Variants in NEGR1 observed in about 807,000 individuals in gnomAD.
The protein encoded by NEGR1 is IgLON family member 4.
In NEGR1, 10 loss-of-function variants were observed where a neutral mutation model predicts 40.9. That is an observed-to-expected ratio of 0.24 (90% CI 0.15 to 0.42). The LOEUF (loss-of-function observed/expected upper bound fraction) is 0.42. Ranked by LOEUF, NEGR1 falls within the 10% of genes least tolerant of loss-of-function variation. NEGR1 has a pLI of 1.00. For missense variants in NEGR1, 352 were observed against 438.9 expected, an observed-to-expected ratio of 0.80 and a Z score of 1.77; for synonymous variants, 185 against 166.8, an observed-to-expected ratio of 1.11 and a Z score of -0.84.
At chr1:71,968,799 A>ATT (rs148348370) in intron 1 of NEGR1, among the ~76,000 whole-genome samples, 1 of 151,942 alleles carries the variant, frequency 6.6e-6, no homozygotes, top group East Asian at 1.9e-4. Flanking sequence ...ATGGCAAGTG[A>ATT]TTTTTTTAGA....
chr1:71,846,935 T>C (rs764838156), intron 2 of NEGR1, among the ~76,000 whole-genome samples: 1 of 152,196 alleles, frequency 6.6e-6, no homozygotes, highest in Non-Finnish European at 1.5e-5. Context: ...AACTCATGAA[T>C]TTGCTAGGGA....
At chr1:71,699,766 A>G (rs1006721723) in intron 3 of NEGR1, among the ~76,000 whole-genome samples, 15 of 151,998 alleles carry the variant, frequency 9.9e-5, no homozygotes, top group Non-Finnish European at 2.1e-4. Context: ...TGTATCTCCC[A>G]GAATTCTCAC....
intron 3 of NEGR1, among the ~76,000 whole-genome samples, chr1:71,726,201 G>A (rs936612719): frequency 6.6e-6 from 1 of 151,962 alleles, no homozygotes; most frequent in Non-Finnish European, 1.5e-5. Flanking sequence ...ACTCTAAGTA[G>A]TTCTTTTATA....
At chr1:71,862,918 G>T (rs1167989829) in intron 2 of NEGR1, among the ~76,000 whole-genome samples, 1 of 152,078 alleles carries the variant, frequency 6.6e-6, no homozygotes, top group Non-Finnish European at 1.5e-5. Flanking sequence ...ACACCAGTCA[G>T]AATGCTGATT....
chr1:71,920,905 T>G (rs1645711087), intron 2 of NEGR1, among the ~76,000 whole-genome samples: 1 of 152,316 alleles, frequency 6.6e-6, no homozygotes, highest in African/African-American at 2.4e-5. Flanking sequence ...TGTGTGGTAA[T>G]GAAAGACTCC....
At chr1:72,151,016 T>C (rs1030495541) in intron 1 of NEGR1, among the ~76,000 whole-genome samples, 1 of 151,412 alleles carries the variant, frequency 6.6e-6, no homozygotes, top group South Asian at 2.1e-4. Context: ...AAAGGAAAAA[T>C]GAAAAAAGAG....
chr1:71,848,072 T>G (rs896139762), intron 2 of NEGR1, among the ~76,000 whole-genome samples: 22 of 152,254 alleles, frequency 1.4e-4, no homozygotes, highest in Non-Finnish European at 2.2e-4. Context: ...CAAAGCCTAA[T>G]CCACAGAAAG....
At chr1:71,723,832 G>A (rs1008162210) in intron 3 of NEGR1, among the ~76,000 whole-genome samples, 1 of 152,102 alleles carries the variant, frequency 6.6e-6, no homozygotes, top group African/African-American at 2.4e-5. Context: ...TGTGTAAAGT[G>A]GGGGCAGTCT....
At chr1:71,883,720 C>T (rs1660645770) in intron 2 of NEGR1, among the ~76,000 whole-genome samples, 3 of 112,980 alleles carry the variant, frequency 2.7e-5, no homozygotes, top group African/African-American at 6.7e-5. Context: ...GGCTATCCCT[C>T]CCCCCTCCCC....
chr1:72,231,701 C>T (rs2100498900), intron 1 of NEGR1, among the ~76,000 whole-genome samples: 1 of 152,160 alleles, frequency 6.6e-6, no homozygotes, highest in Admixed American at 6.5e-5. Flanking sequence ...GTTCTCTATA[C>T]TGCAAATAAC....
At chr1:71,753,470 T>A (rs531873884) in intron 3 of NEGR1, among the ~76,000 whole-genome samples, 27 of 152,238 alleles carry the variant, frequency 1.8e-4, no homozygotes, top group African/African-American at 6.5e-4. Context: ...GTGTAATATA[T>A]CTCAGGAGTC....
chr1:71,644,009 T>C (rs1158247912), intron 4 of NEGR1, among the ~76,000 whole-genome samples: 3 of 151,970 alleles, frequency 2.0e-5, no homozygotes, highest in Non-Finnish European at 4.4e-5. Flanking sequence ...GGAGGAGAAT[T>C]CTTTTCTTGT....
At chr1:71,411,692 G>C (rs1183215734) in intron 6 of NEGR1, among the ~76,000 whole-genome samples, 1 of 152,088 alleles carries the variant, frequency 6.6e-6, no homozygotes, top group East Asian at 1.9e-4. Context: ...GATTGTACTA[G>C]GAAAGGCAAG....
At chr1:71,697,964 A>C in intron 4 of NEGR1, 44 bp downstream of exon 4, 1 of 1,569,742 alleles carries the variant, frequency 6.4e-7, no homozygotes, top group East Asian at 2.3e-5. Context: ...AAGGTGTTTT[A>C]TCTTTTCTCA....
chr1:71,724,597 C>G (rs1318879369), intron 3 of NEGR1, among the ~76,000 whole-genome samples: 4 of 152,068 alleles, frequency 2.6e-5, no homozygotes, highest in Non-Finnish European at 5.9e-5. Context: ...TATTCTTGAG[C>G]TTTGTTCTTG....
chr1:71,753,198 C>A (rs1486344986), intron 3 of NEGR1, among the ~76,000 whole-genome samples: 2 of 152,006 alleles, frequency 1.3e-5, no homozygotes, highest in Non-Finnish European at 2.9e-5. Flanking sequence ...GCCTGGCAGA[C>A]AATAGTATTC....
intron 1 of NEGR1, among the ~76,000 whole-genome samples, chr1:72,260,317 A>G (rs1025695124): frequency 2.0e-5 from 3 of 152,104 alleles, no homozygotes; most frequent in Non-Finnish European, 4.4e-5. Flanking sequence ...TCTATTGATA[A>G]GCCCAATTTT....
intron 6 of NEGR1, among the ~76,000 whole-genome samples, chr1:71,462,027 A>C (rs1403048339): frequency 1.3e-5 from 2 of 152,178 alleles, no homozygotes; most frequent in East Asian, 3.8e-4. Context: ...CTAATTACTA[A>C]ATCATACATG....
At chr1:72,011,303 T>A (rs1396299893) in intron 1 of NEGR1, among the ~76,000 whole-genome samples, 1 of 152,070 alleles carries the variant, frequency 6.6e-6, no homozygotes, top group Non-Finnish European at 1.5e-5. Context: ...CAGTTGGTAT[T>A]AGAATAATTC....
Sources: allele counts gnomAD v4.1 joint callset (sites outside exome capture counted in the v4.1 genomes callset), GRCh38; gene constraint gnomAD v4.1.1; transcripts MANE v1.5; gene names NCBI Gene and HGNC (gene_info 2026-07-23, HGNC 2026-07-21).